FLYWCH1: variants seen among roughly 807,000 people sequenced by gnomAD.
The protein encoded by FLYWCH1 is FLYWCH-type zinc finger-containing protein 1.
In FLYWCH1, 75 loss-of-function variants were observed where a neutral mutation model predicts 66.4. That is an observed-to-expected ratio of 1.13 (90% CI 0.94 to 1.37). The LOEUF (loss-of-function observed/expected upper bound fraction) is 1.37. Ranked by LOEUF, FLYWCH1 falls within the 40% of genes most tolerant of loss-of-function variation. The pLI, the probability that FLYWCH1 is intolerant of heterozygous loss-of-function variation, is 0.00. For synonymous variants in FLYWCH1, 595 were observed against 429.9 expected (o/e 1.38, Z -4.75); for missense variants, 1,334 against 1,001.8 (o/e 1.33, Z -4.48).
At position 2,923,377 on chromosome 16, in the gene FLYWCH1, G is replaced by T. The variant is rs143470296; in HGVS notation, c.-73-6236G>T. 1.1e-4 allele frequency among the ~76,000 whole-genome samples: 16 copies of T among 152,324 alleles called. No individual in the cohort carries two copies. The East Asian group carries it at 3.1e-3, about 29-fold the overall frequency. ...TTCTCCTGCCTCAGCCTCTCGAGTA[G>T]TTGGGATTACAGGCGTCCGCCACCA... is the stretch of plus-strand genomic sequence containing the variant. On this transcript the variant is annotated intron_variant, in intron 2 of 9. Transcript: ENST00000253928.
intron 9 of FLYWCH1, among the ~76,000 whole-genome samples, chr16:2,944,915 T>C (rs1177974435): frequency 5.3e-5 from 8 of 152,144 alleles, no homozygotes; most frequent in Non-Finnish European, 1.2e-4. Context: ...ACTGTCGTCA[T>C]AGGAGATGAC....
chr16:2,933,695 C>T (rs1464485155), intron 5 of FLYWCH1, 21 bp from the exon 6 acceptor site: 2 of 1,604,152 alleles, frequency 1.2e-6, no homozygotes, highest in Non-Finnish European at 1.7e-6. Context: ...CCTCCCCTGA[C>T]TGCCTCTTGA....
chr16:2,936,575 G>A, intron 6 of FLYWCH1: 1 of 456,754 alleles, frequency 2.2e-6, no homozygotes, highest in Non-Finnish European at 4.4e-6. Flanking sequence ...AGCCTGCACG[G>A]AGGAAAGGGT....
At chr16:2,937,435 G>GC in intron 7 of FLYWCH1, 51 bp downstream of exon 7, 1 of 1,479,594 alleles carries the variant, frequency 6.8e-7, no homozygotes, top group Non-Finnish European at 8.9e-7. Flanking sequence ...CAGGACCTGT[G>GC]CCCCACACGC....
chr16:2,944,977 G>C (rs982745303), intron 9 of FLYWCH1, among the ~76,000 whole-genome samples: 22 of 152,132 alleles, frequency 1.4e-4, no homozygotes, highest in Non-Finnish European at 1.8e-4. Context: ...ACAAGATGTG[G>C]AGGTCGAAGA....
In FLYWCH1 at chr16:2,930,541, C is replaced by G. The variant is rs2070724526; in HGVS notation, c.457C>G (p.Leu153Val). 1.9e-6 allele frequency: 3 copies of G among 1,549,610 alleles called. No homozygotes were observed. The highest frequency in any genetic ancestry group is 2.4e-5 in the East Asian group (1 of 41,894). The part of the protein sequence containing the change: ...VYWKCRQHAE[L>V]GCRGRAITRG... ...CTGGAAGTGCCGCCAACATGCTGAGCTGGGCTGCCGGGGCCGGGCCATCAC... is the reference window on the plus strand; with the variant it reads ...CTGGAAGTGCCGCCAACATGCTGAGGTGGGCTGCCGGGGCCGGGCCATCAC... Residue 153 changes from leucine (L) to valine (V), a missense_variant, in exon 4 of 10, where the codon CTG becomes GTG. Transcript: ENST00000253928.
chr16:2,933,074 C>G (rs1296750234), intron 4 of FLYWCH1, 56 bp from the exon 5 acceptor site: 1 of 1,481,378 alleles, frequency 6.8e-7, no homozygotes, highest in East Asian at 2.3e-5. Context: ...CAGGGGCTGT[C>G]CCTCCTGGGC....
rs1430235469 is a variant in FLYWCH1, at chr16:2,933,982, AC to A, written c.1513+5del. Reference sequence around the variant, plus strand: ...CACGGCGCAGCGGGGGAGCCCAGGTACCTGGGGGTGGGCTGGGAGCTGGGCC... The same window carrying A: ...CACGGCGCAGCGGGGGAGCCCAGGTACTGGGGGTGGGCTGGGAGCTGGGCC... On this transcript the variant is annotated splice_donor_region_variant and intron_variant, in intron 6 of 9. Coordinates refer to ENST00000253928, the MANE Select transcript of FLYWCH1 (RefSeq NM_001308068.2). 6.6e-7 allele frequency: 1 copy of A among 1,521,568 alleles called. No individual in the cohort carries two copies. The highest frequency in any genetic ancestry group is 2.5e-5 in the East Asian group (1 of 40,648). The allele number at this position is 1,521,568 out of a possible 1,614,324, so 94.3% of individuals were successfully genotyped here. A position where few individuals can be genotyped will look rare whatever the true frequency, so the allele number is the denominator to read the frequency against.
chr16:2,940,431 G>T lies in FLYWCH1; in HGVS notation c.2111+339G>T, dbSNP rs1596394492. Among the ~76,000 whole-genome samples the T allele has an allele frequency of 2.6e-5, 4 of 152,196 alleles. No homozygotes were observed. The East Asian group carries it at 7.7e-4, about 29-fold the overall frequency. Reference sequence around the variant, plus strand: ...TTCTCAACCACAGCCAGGCCATAAAGCAAGAGTCCATTATTTTATTTTTTG... The same window carrying T: ...TTCTCAACCACAGCCAGGCCATAAATCAAGAGTCCATTATTTTATTTTTTG... On this transcript the variant is annotated intron_variant, in intron 9 of 9. Coordinates refer to ENST00000253928, the MANE Select transcript of FLYWCH1 (RefSeq NM_001308068.2).
At chr16:2,924,544 T>C (rs1350650956) in intron 2 of FLYWCH1, among the ~76,000 whole-genome samples, 2 of 152,206 alleles carry the variant, frequency 1.3e-5, no homozygotes, top group African/African-American at 4.8e-5. Flanking sequence ...TTTCCCTGAA[T>C]GTGGCAGTGC....
rs746711873 is a variant in FLYWCH1, at chr16:2,937,345, C to A, written c.1738C>A (p.Arg580=). The stretch of plus-strand genomic sequence containing the variant: ...GGGCGGCCTGGAGGCCCTGCGGCAG[C>A]GGGAGCACTTCCCCAACCTGGCGCA... ...DLGGLEALRQ[R]EHFPNLAQWD... Residue 580 remains arginine (R), a synonymous_variant, in exon 7 of 10, where the codon CGG becomes AGG. Transcript: ENST00000253928. 1.9e-6 allele frequency: 3 copies of A among 1,593,054 alleles called. No homozygotes were observed. The highest frequency in any genetic ancestry group is 4.5e-5 in the East Asian group (2 of 44,496).
At chr16:2,926,763 T>C (rs559546432) in intron 2 of FLYWCH1, among the ~76,000 whole-genome samples, 2 of 152,308 alleles carry the variant, frequency 1.3e-5, no homozygotes, top group Admixed American at 6.5e-5. Flanking sequence ...TAAAGCCATG[T>C]TGACTACAAT....
Position 2,933,296 on chromosome 16 carries a change from G to C in FLYWCH1, c.963G>C (p.Gln321His), listed in dbSNP as rs778898120. The change falls in exon 5 of 10, where the codon CAG becomes CAC. Residue 321 changes from glutamine (Q) to histidine (H), a missense_variant. Physicochemically the swap from Gln to His is conservative, Grantham distance 24. Coordinates refer to ENST00000253928, the MANE Select transcript of FLYWCH1 (RefSeq NM_001308068.2). ...GCRSRAITQG[Q>H]RVTVMRGHCH... ...GGAGCCGGGCCATCACCCAGGGACA[G>C]CGGGTGACTGTGATGCGTGGGCACT... The C allele has an allele frequency of 4.3e-6, 7 of 1,611,726 alleles. No individual in the cohort carries two copies. The South Asian group carries it at 7.7e-5, about 18-fold the overall frequency.
chr16:2,936,328 C>T (rs1307073092), intron 6 of FLYWCH1: 1 of 451,646 alleles, frequency 2.2e-6, no homozygotes. Context: ...CTCGTGGTCC[C>T]CAGGCTCCTG....
Position 2,938,222 on chromosome 16 carries a change from G to T in FLYWCH1, c.1816G>T (p.Gly606Trp). The part of the protein sequence containing the change: ...RPLEFLRTSL[G>W]GRFLVHESFL... ...CCTGGAGTTCCTGAGGACTTCCCTGGGGGGCAGGTTCCTGGTGCACGAGTC... is the reference window on the plus strand; with the variant it reads ...CCTGGAGTTCCTGAGGACTTCCCTGTGGGGCAGGTTCCTGGTGCACGAGTC... Residue 606 changes from glycine (G) to tryptophan (W), a missense_variant, in exon 8 of 10, where the codon GGG (glycine) becomes TGG (tryptophan). By Grantham distance (184) the Gly-to-Trp change is radical. Coordinates refer to ENST00000253928, the MANE Select transcript of FLYWCH1 (RefSeq NM_001308068.2). 2 of 1,613,146 alleles carry T rather than the reference G, an allele frequency of 1.2e-6. No homozygotes were observed. Among genetic ancestry groups the T allele is most frequent in the South Asian group, 2.2e-5 (2 of 91,010 alleles).
intron 2 of FLYWCH1, among the ~76,000 whole-genome samples, chr16:2,918,731 G>A (rs1348968517): frequency 2.6e-5 from 4 of 151,554 alleles, no homozygotes; most frequent in South Asian, 4.2e-4. Flanking sequence ...GTGAACCACC[G>A]TGCCTGGCCT....
chr16:2,930,660 C>G lies in FLYWCH1; in HGVS notation c.576C>G (p.Ser192Arg). The G allele has an allele frequency of 6.5e-7, 1 of 1,545,990 alleles. No individual in the cohort carries two copies. Among genetic ancestry groups the G allele is most frequent in the Non-Finnish European group, 8.7e-7 (1 of 1,147,152 alleles). Residue 192 changes from serine to arginine, a missense_variant, in exon 4 of 10, where the codon AGC becomes AGG. Transcript: ENST00000253928. ...EARRQREKLP[S>R]LALPEGLGEP... is the part of the protein sequence containing the mutation. ...GGCGCCAGAGGGAGAAACTGCCCAG[C>G]CTGGCCCTGCCAGAGGGCTTGGGAG...
At chr16:2,919,485 C>T (rs749654204) in intron 2 of FLYWCH1, among the ~76,000 whole-genome samples, 4 of 151,916 alleles carry the variant, frequency 2.6e-5, no homozygotes, top group East Asian at 3.9e-4. Context: ...AGGATGGTTT[C>T]GATCTCTTGA....
rs1486419524 is a variant in FLYWCH1, at chr16:2,945,487, A to G, written c.2112-3201A>G. Among the ~76,000 whole-genome samples the G allele has an allele frequency of 1.7e-4, 11 of 64,142 alleles. No individual in the cohort carries two copies. The South Asian group carries it at 1.8e-3, about 11-fold the overall frequency. The allele number at this position is 64,142 out of a possible 152,430, so 42.1% of individuals were successfully genotyped here. A position where few individuals can be genotyped will look rare whatever the true frequency, so the allele number is the denominator to read the frequency against. The stretch of plus-strand genomic sequence containing the variant: ...GGTGGCAGAGCGAGACTCCATCTCA[A>G]AAAAAAAAAAAAAAAAAAATTAGCC... On this transcript the variant is annotated intron_variant, in intron 9 of 9. Transcript: ENST00000253928.
Sources: gnomAD v4.1 joint callset for allele counts (sites outside exome capture counted in the v4.1 genomes callset) on GRCh38, gnomAD v4.1.1 for gene constraint, MANE v1.5 for transcripts, NCBI Gene and HGNC (gene_info 2026-07-23, HGNC 2026-07-21) for gene names.